KIF1B: variants seen among roughly 807,000 people sequenced by gnomAD.
KIF1B encodes kinesin family member 1B.
KIF1B carries 76 observed loss-of-function variants against 241.9 expected under a neutral mutation model. The ratio of observed to expected loss-of-function variants is 0.31; its 90% CI spans 0.26 to 0.38. The LOEUF (loss-of-function observed/expected upper bound fraction) is 0.38, where lower values mean the gene tolerates loss of function less well. Among genes scored for constraint, KIF1B ranks in the 10% least tolerant of loss-of-function variants. The pLI is 1.00. For synonymous variants in KIF1B, 750 were observed against 796.7 expected (o/e 0.94, Z 0.99); for missense variants, 1,622 against 2,271.4 (o/e 0.71, Z 5.81).
At position 10,342,121 on chromosome 1, in the gene KIF1B, G is replaced by C; in HGVS notation, c.3585G>C (p.Gly1195=). The change falls in exon 33 of 49, where the codon GGG becomes GGC. Residue 1195 remains glycine (G), a synonymous_variant. Transcript: ENST00000676179. ...AGCCTATTGTATTTGAAGTCTTTGG[G>C]CATTATCAGCAGCACCCACTTCATC... ...KTKPIVFEVF[G]HYQQHPLHLQ... is the part of the protein sequence containing the mutation. 6.2e-7 allele frequency: 1 copy of C among 1,613,792 alleles called. No homozygotes were observed.
At chr1:10,259,563 C>T (rs1648001446) in intron 4 of KIF1B, among the ~76,000 whole-genome samples, 1 of 149,690 alleles carries the variant, frequency 6.7e-6, no homozygotes, top group South Asian at 2.1e-4. Flanking sequence ...AGTGCAATGG[C>T]GCCATCTTGG....
chr1:10,336,622 C>T, intron 28 of KIF1B, 35 bp from the exon 29 acceptor site: 1 of 1,538,770 alleles, frequency 6.5e-7, no homozygotes, highest in Non-Finnish European at 9.0e-7. Flanking sequence ...TGTGTAGTCT[C>T]ACTCAATTCT....
At chr1:10,358,715 GA>G (rs1638328934) in intron 38 of KIF1B, among the ~76,000 whole-genome samples, 1 of 149,814 alleles carries the variant, frequency 6.7e-6, no homozygotes, top group Non-Finnish European at 1.5e-5. Context: ...ATCTCACAAT[GA>G]TACAGTCAGT....
intron 44 of KIF1B, among the ~76,000 whole-genome samples, chr1:10,368,786 G>A (rs968540302): frequency 1.3e-5 from 2 of 152,142 alleles, no homozygotes; most frequent in Admixed American, 6.6e-5. Flanking sequence ...AAACATTTTG[G>A]CTTTTTCATG....
intron 1 of KIF1B, among the ~76,000 whole-genome samples, chr1:10,225,848 C>T (rs1024558456): frequency 5.3e-5 from 8 of 151,866 alleles, no homozygotes; most frequent in African/African-American, 1.7e-4. Context: ...GTCATTGCTT[C>T]GTAGACAGGA....
In KIF1B at chr1:10,210,838, C is replaced by T. The variant is rs1460570612; in HGVS notation, c.-120C>T. 1 of 149,978 alleles carries T rather than the reference C, an allele frequency of 6.7e-6. No individual in the cohort carries two copies. The allele number at this position is 149,978 out of a possible 1,614,324, so 9.3% of individuals were successfully genotyped here. A position where few individuals can be genotyped will look rare whatever the true frequency, so the allele number is the denominator to read the frequency against. ...CCCGCGCCCCCGCGCGCCGCGGCTC[C>T]TGTTGACCCGGTCCGCCCGTCGGTC... On this transcript the variant is annotated 5_prime_UTR_variant, in exon 1 of 49. Coordinates refer to ENST00000676179, the MANE Select transcript of KIF1B (RefSeq NM_001365951.3). This position sits in a 1 kb window ranked among gnomAD's most constrained non-coding sequence, Gnocchi z 4.1.
At chr1:10,346,335 C>G (rs1013093931) in intron 35 of KIF1B, among the ~76,000 whole-genome samples, 10 of 151,898 alleles carry the variant, frequency 6.6e-5, no homozygotes, top group African/African-American at 1.9e-4. Context: ...ATCATGGAGA[C>G]AGGCATCTTG....
chr1:10,214,814 C>G lies in KIF1B; in HGVS notation c.-80+3936C>G, dbSNP rs146214828. Among the ~76,000 whole-genome samples, 684 of 152,006 alleles carry G rather than the reference C, an allele frequency of 4.5e-3. 6 individuals are homozygous for G. Among genetic ancestry groups the G allele is most frequent in the African/African-American group, 0.016 (645 of 41,466 alleles). On this transcript the variant is annotated intron_variant, in intron 1 of 48. Coordinates refer to ENST00000676179, the MANE Select transcript of KIF1B (RefSeq NM_001365951.3). ...GCCAGGCTGATCTCGAACTCCTGACCTTGTGATCCACCCACCTCAGCCTCC... is the reference window on the plus strand; with the variant it reads ...GCCAGGCTGATCTCGAACTCCTGACGTTGTGATCCACCCACCTCAGCCTCC...
chr1:10,365,473 T>C lies in KIF1B; in HGVS notation c.4577T>C (p.Leu1526Pro). The change falls in exon 43 of 49, where the codon CTG becomes CCG. Residue 1526 changes from leucine to proline, a missense_variant. By Grantham distance (98) the Leu-to-Pro change is moderately conservative. Around this residue, in one of 7 missense-constraint regions of KIF1B, gnomAD observed 357 missense variants for 409.0 expected, o/e 0.87. Coordinates refer to ENST00000676179, the MANE Select transcript of KIF1B (RefSeq NM_001365951.3). The surrounding 1 kb of genome is among the most constrained non-coding windows in gnomAD (Gnocchi z 4.0). The part of the protein sequence containing the change: ...ERLGDSIPKS[L>P]SDSLSPSLSS... ...CTTGGTGACAGCATCCCCAAATCCC[T>C]GAGCGACTCGTTATCCCCCAGCCTC... is the stretch of plus-strand genomic sequence containing the variant. 5 of 1,614,164 alleles carry C rather than the reference T, an allele frequency of 3.1e-6. No individual in the cohort carries two copies. Among genetic ancestry groups the C allele is most frequent in the Admixed American group, 1.7e-5 (1 of 60,012 alleles).
At chr1:10,211,553 G>C (rs1391416413) in intron 1 of KIF1B, 1 of 152,294 alleles carries the variant, frequency 6.6e-6, no homozygotes, top group African/African-American at 2.4e-5. Context: ...GGAAGGCACC[G>C]AGTGACAGCC....
At chr1:10,231,437 G>A (rs1198359375) in intron 1 of KIF1B, among the ~76,000 whole-genome samples, 1 of 143,024 alleles carries the variant, frequency 7.0e-6, no homozygotes, top group Non-Finnish European at 1.5e-5. Flanking sequence ...CCAGGCTGGA[G>A]GGCAGTGGTG....
Position 10,348,690 on chromosome 1 carries a change from G to A in KIF1B, c.3906G>A (p.Lys1302=). 6.2e-7 allele frequency: 1 copy of A among 1,614,106 alleles called. No individual in the cohort carries two copies. Among genetic ancestry groups the A allele is most frequent in the Non-Finnish European group, 8.5e-7 (1 of 1,179,980 alleles). Residue 1302 remains lysine, a synonymous_variant, in exon 37 of 49, where the codon AAG becomes AAA. Transcript: ENST00000676179. The part of the protein sequence containing the change: ...RRITVTIIHE[K]GSELHWKDVR... The stretch of plus-strand genomic sequence containing the variant: ...TCACAGTGACCATTATCCATGAGAA[G>A]GGGAGCGAGCTCCATTGGAAAGATG...
At chr1:10,307,035 T>C in intron 22 of KIF1B, 1 of 1,039,502 alleles carries the variant, frequency 9.6e-7, no homozygotes, top group African/African-American at 1.7e-5. Context: ...AGAATTGGGT[T>C]TATATTTGTG....
chr1:10,352,849 T>A (rs191388108), intron 38 of KIF1B, 113 bp downstream of exon 38: 5 of 743,782 alleles, frequency 6.7e-6, no homozygotes, highest in South Asian at 5.7e-5. Context: ...ATTAACTCCC[T>A]TCTCCCTTCT....
At chr1:10,284,353 C>T (rs1433543015) in intron 15 of KIF1B, among the ~76,000 whole-genome samples, 1 of 152,052 alleles carries the variant, frequency 6.6e-6, no homozygotes, top group Non-Finnish European at 1.5e-5. Context: ...AGTTCAAGAC[C>T]CGCTTGGCCA....
chr1:10,378,548 T>G lies in KIF1B; in HGVS notation c.*1961T>G. 1.5e-6 allele frequency: 1 copy of G among 670,252 alleles called. No individual in the cohort carries two copies. The highest frequency in any genetic ancestry group is 2.7e-6 in the Non-Finnish European group (1 of 364,054). The allele number at this position is 670,252 out of a possible 1,614,324, so 41.5% of individuals were successfully genotyped here. On this transcript the variant is annotated 3_prime_UTR_variant, in exon 49 of 49. Transcript: ENST00000676179. ...TTGCTCAGGCATTCAGGAAAGTATC[T>G]GCTCACTCCCACTTGGTGAGTCCTC...
intron 4 of KIF1B, among the ~76,000 whole-genome samples, chr1:10,261,675 T>A (rs1033190898): frequency 6.6e-6 from 1 of 152,238 alleles, no homozygotes; most frequent in African/African-American, 2.4e-5. Context: ...AGCTTTCTTA[T>A]AATCTTATGG....
At chr1:10,329,850 T>C (rs913469616) in intron 27 of KIF1B, among the ~76,000 whole-genome samples, 1 of 152,216 alleles carries the variant, frequency 6.6e-6, no homozygotes, top group African/African-American at 2.4e-5. Flanking sequence ...CCTTTAGCTA[T>C]TCTCTTATGG....
chr1:10,283,139 G>A (rs1376845291), intron 15 of KIF1B, among the ~76,000 whole-genome samples: 2 of 150,172 alleles, frequency 1.3e-5, no homozygotes, highest in Non-Finnish European at 1.5e-5. Flanking sequence ...CCCAGGAGGC[G>A]GAGCTTGCAG....
Sources: gnomAD v4.1 joint callset for allele counts (sites outside exome capture counted in the v4.1 genomes callset) on GRCh38, gnomAD v4.1.1 for gene constraint, gnomAD v4.1.1 regional missense constraint, Gnocchi (gnomAD v3.1) non-coding constraint, MANE v1.5 for transcripts, NCBI Gene and HGNC (gene_info 2026-07-23, HGNC 2026-07-21) for gene names.